ZCRB1: variants seen among roughly 807,000 people sequenced by gnomAD.
The protein encoded by ZCRB1 is zinc finger CCHC-type and RNA binding motif containing 1.
Under a neutral mutation model 29.9 loss-of-function variants are expected in ZCRB1, and 21 were observed. The observed-to-expected ratio is 0.70, with a 90% CI of 0.50 to 1.01. The LOEUF is 1.01. Among genes scored for constraint, ZCRB1 ranks in the 50% least tolerant of loss-of-function variants. The pLI is 0.00. For missense variants in ZCRB1, 204 were observed against 253.3 expected (o/e 0.81, Z 1.32); for synonymous variants, 77 against 80.0 (o/e 0.96, Z 0.20).
intron 2 of ZCRB1, 186 bp downstream of exon 2, chr12:42,323,833 A>G: frequency 8.7e-6 from 5 of 572,804 alleles, no homozygotes; most frequent in Non-Finnish European, 1.5e-5. Flanking sequence ...GGATCACCTG[A>G]GGGGGCGGGG....
At chr12:42,314,712 C>A (rs960538037) in intron 5 of ZCRB1, among the ~76,000 whole-genome samples, 1 of 152,044 alleles carries the variant, frequency 6.6e-6, no homozygotes, top group Non-Finnish European at 1.5e-5. Flanking sequence ...TTGGGCTGGG[C>A]AGGCTGAGGC....
Position 42,324,005 on chromosome 12 carries a change from T to TA in ZCRB1, c.84+13dup. The TA allele has an allele frequency of 1.2e-6, 2 of 1,606,864 alleles. No individual in the cohort carries two copies. Among genetic ancestry groups the TA allele is most frequent in the Non-Finnish European group, 1.7e-6 (2 of 1,173,616 alleles). The stretch of plus-strand genomic sequence containing the variant: ...TGTATCTCAAATAGCAGTCACTCGA[T>TA]AAGATTTACTTACCCGGTACAAGTC... On this transcript the variant is annotated intron_variant, in intron 2 of 7. Transcript: ENST00000266529.
chr12:42,316,397 G>C (rs1316976773), intron 5 of ZCRB1, among the ~76,000 whole-genome samples: 3 of 152,086 alleles, frequency 2.0e-5, no homozygotes, highest in African/African-American at 7.2e-5. Flanking sequence ...ACTGTGCCCG[G>C]CCTGTTTCTT....
chr12:42,313,290 G>A (rs2068578370), intron 7 of ZCRB1, 92 bp from the exon 8 acceptor site: 8 of 1,357,570 alleles, frequency 5.9e-6, no homozygotes, highest in Non-Finnish European at 7.9e-6. Context: ...TACCACAAAT[G>A]CCATTACTTC....
rs1327226776 is a variant in ZCRB1 at position 42,313,763 on chromosome 12, T to C, written c.449A>G (p.Glu150Gly). ...KKAPEPEEEI[E>G]EVEESEDEGE... The stretch of plus-strand genomic sequence containing the variant: ...TTCATCTTCACTTTCTTCTACTTCC[T>C]CACTTAAATAAAGAAAAACAAATTG... Residue 150 changes from glutamate to glycine, a missense_variant and splice_region_variant, in exon 7 of 8, where the codon GAG becomes GGG. Glu to Gly is a moderately conservative substitution (Grantham distance 98, BLOSUM62 -2). Coordinates refer to ENST00000266529, the MANE Select transcript of ZCRB1 (RefSeq NM_033114.4). 1.9e-6 allele frequency: 3 copies of C among 1,613,828 alleles called. No homozygotes were observed. The highest frequency in any genetic ancestry group is 2.7e-5 in the African/African-American group (2 of 74,896).
chr12:42,315,677 G>A (rs910308455), intron 5 of ZCRB1, among the ~76,000 whole-genome samples: 7 of 152,012 alleles, frequency 4.6e-5, no homozygotes, highest in African/African-American at 1.7e-4. Context: ...AAAAGGAACC[G>A]ATTAACAGAT....
chr12:42,317,789 G>A lies in ZCRB1; in HGVS notation c.223C>T (p.Gln75Ter). The A allele has an allele frequency of 6.2e-7, 1 of 1,612,010 alleles. No individual in the cohort carries two copies. Among genetic ancestry groups the A allele is most frequent in the Non-Finnish European group, 8.5e-7 (1 of 1,179,508 alleles). ...QNCTRAINNK[Q>*]LFGRVIKASI... ...CTTGATGGAGATGAATAGCTTACCTGTTTGTTGTTTATTGCCCTGGTACAG... is the reference window on the plus strand; with the variant it reads ...CTTGATGGAGATGAATAGCTTACCTATTTGTTGTTTATTGCCCTGGTACAG... Residue 75 changes from glutamine to a stop codon, truncating the protein, a stop_gained and splice_region_variant, in exon 4 of 8, where the codon CAG (glutamine) becomes TAG (stop). Transcript: ENST00000266529. LOFTEE classifies it high-confidence loss of function.
At chr12:42,324,126 T>A (rs1246198740) in intron 1 of ZCRB1, 22 bp from the exon 2 acceptor site, 1 of 1,599,942 alleles carries the variant, frequency 6.3e-7, no homozygotes, top group East Asian at 2.2e-5. Context: ...AACAAACTTA[T>A]CAGCAATCAG....
chr12:42,313,279 A>G (rs905208159), intron 7 of ZCRB1, 81 bp from the exon 8 acceptor site: 6 of 1,445,578 alleles, frequency 4.2e-6, no homozygotes, highest in Admixed American at 4.3e-5. Context: ...TGGCAAAAAC[A>G]TACCACAAAT....
chr12:42,325,336 ATTTAAGC>A (rs2137541875), intron 1 of ZCRB1: 1 of 152,220 alleles, frequency 6.6e-6, no homozygotes, highest in East Asian at 1.9e-4. Flanking sequence ...TAAGGAGTAA[ATTTAAGC>A]TTTATGTATC....
At chr12:42,323,881 G>C in intron 2 of ZCRB1, 138 bp downstream of exon 2, 1 of 731,824 alleles carries the variant, frequency 1.4e-6, no homozygotes, top group Non-Finnish European at 2.2e-6. Flanking sequence ...CTGCACTACA[G>C]CCTCGTGCCT....
At position 42,313,757 on chromosome 12, in the gene ZCRB1, A is replaced by G. The variant is rs763595543; in HGVS notation, c.455T>C (p.Val152Ala). Residue 152 changes from valine to alanine, a missense_variant, in exon 7 of 8, where the codon GTA becomes GCA. Transcript: ENST00000266529. The stretch of plus-strand genomic sequence containing the variant: ...CTCCCCTTCATCTTCACTTTCTTCT[A>G]CTTCCTCACTTAAATAAAGAAAAAC... ...APEPEEEIEE[V>A]EESEDEGEDP... 2.5e-5 allele frequency: 40 copies of G among 1,614,064 alleles called. No homozygotes were observed. The highest frequency in any genetic ancestry group is 3.3e-5 in the Non-Finnish European group (39 of 1,179,998).
intron 5 of ZCRB1, 128 bp downstream of exon 5, chr12:42,317,212 T>A: frequency 1.6e-6 from 1 of 627,350 alleles, no homozygotes; most frequent in Non-Finnish European, 2.6e-6. Context: ...AAAAAATAAA[T>A]ATTAAAAAAT....
chr12:42,322,179 T>C (rs1203913646), intron 3 of ZCRB1, among the ~76,000 whole-genome samples: 7 of 152,158 alleles, frequency 4.6e-5, no homozygotes, highest in Non-Finnish European at 1.0e-4. Flanking sequence ...TGGAAAGACA[T>C]TTATGGTATG....
At position 42,317,418 on chromosome 12, in the gene ZCRB1, A is replaced by G. The variant is rs1266895333; in HGVS notation, c.255T>C (p.Ile85=). 1.2e-6 allele frequency: 2 copies of G among 1,612,006 alleles called. No individual in the cohort carries two copies. The highest frequency in any genetic ancestry group is 2.2e-5 in the South Asian group (2 of 90,606). The part of the protein sequence containing the change: ...QLFGRVIKAS[I]AIDNGRAAEF... ...CAGCTGCTCTTCCATTGTCAATAGC[A>G]ATGCTTGCTTTTATCACTCTACCAA... is the stretch of plus-strand genomic sequence containing the variant. The change falls in exon 5 of 8, where the codon ATT becomes ATC. Residue 85 remains isoleucine (I), a synonymous_variant. Transcript: ENST00000266529.
chr12:42,318,012 T>C (rs557919180), intron 3 of ZCRB1, 114 bp from the exon 4 acceptor site: 7 of 780,418 alleles, frequency 9.0e-6, no homozygotes, highest in African/African-American at 3.5e-5. Context: ...ATTAATACAT[T>C]TGAAAAATCA....
chr12:42,322,360 A>G (rs2068625931), intron 3 of ZCRB1, 58 bp downstream of exon 3: 2 of 1,396,172 alleles, frequency 1.4e-6, no homozygotes, highest in Admixed American at 5.5e-5. Flanking sequence ...AAAAAAATGT[A>G]GAAGCAAATT....
rs1161038988 is a variant in ZCRB1, at chr12:42,312,626, T to TAAC, written c.*438_*440dup. The TAAC allele has an allele frequency of 2.6e-5, 4 of 152,322 alleles. No individual in the cohort carries two copies. Among genetic ancestry groups the TAAC allele is most frequent in the African/African-American group, 9.6e-5 (4 of 41,460 alleles). The allele number at this position is 152,322 out of a possible 1,614,324, so 9.4% of individuals were successfully genotyped here. On this transcript the variant is annotated 3_prime_UTR_variant, in exon 8 of 8. Transcript: ENST00000266529. The stretch of plus-strand genomic sequence containing the variant: ...TGGTGCTATGGGTAGGGCAGACAAA[T>TAAC]AACACCTGTGTTTGATTTTAAGCCT...
chr12:42,324,055 G>A lies in ZCRB1; in HGVS notation c.48C>T (p.Asn16=), dbSNP rs759966213. 1 of 1,614,182 alleles carries A rather than the reference G, an allele frequency of 6.2e-7. No individual in the cohort carries two copies. ...CATTGTTTGTCAGGGAAAAAGGCAAGTTGGATACATACACTGTGCTCTTAC... is the reference window on the plus strand; with the variant it reads ...CATTGTTTGTCAGGGAAAAAGGCAAATTGGATACATACACTGTGCTCTTAC... ...APSKSTVYVS[N]LPFSLTNNDL... is the part of the protein sequence containing the mutation. Residue 16 remains asparagine (N), a synonymous_variant, in exon 2 of 8, where the codon AAC becomes AAT. Coordinates refer to ENST00000266529, the MANE Select transcript of ZCRB1 (RefSeq NM_033114.4).
Sources: gnomAD v4.1 joint callset for allele counts (sites outside exome capture counted in the v4.1 genomes callset) on GRCh38, gnomAD v4.1.1 for gene constraint, MANE v1.5 for transcripts, NCBI Gene and HGNC (gene_info 2026-07-23, HGNC 2026-07-21) for gene names.